Variants in CHN1 observed in about 807,000 individuals in gnomAD.
The protein encoded by CHN1 is chimerin 1, also known as N-chimaerin.
A neutral mutation model predicts 59.5 loss-of-function variants in CHN1; 37 were observed. The ratio of observed to expected loss-of-function variants is 0.62; its 90% CI spans 0.48 to 0.82. CHN1 has a LOEUF of 0.82. Among genes scored for constraint, CHN1 ranks in the 40% least tolerant of loss-of-function variants. The probability of loss-of-function intolerance (pLI) is 0.00; values close to 1 mark genes in which losing one functional copy is unlikely to be tolerated. For missense variants in CHN1, 469 were observed against 571.0 expected, an observed-to-expected ratio of 0.82 and a Z score of 1.82; for synonymous variants, 206 against 200.4, an observed-to-expected ratio of 1.03 and a Z score of -0.24.
intron 3 of CHN1, among the ~76,000 whole-genome samples, chr2:174,936,592 T>C (rs138024741): frequency 2.8e-3 from 428 of 152,196 alleles, no homozygotes; most frequent in Non-Finnish European, 5.0e-3. Context: ...TTTTACACAA[T>C]AGAAAATAAT....
intron 1 of CHN1, among the ~76,000 whole-genome samples, chr2:174,978,602 T>G (rs1194169665): frequency 2.0e-5 from 3 of 152,242 alleles, no homozygotes; most frequent in Non-Finnish European, 4.4e-5. Context: ...GACTAATCCA[T>G]TTTGTAAATA....
chr2:174,826,972 T>G (rs1385261900), intron 7 of CHN1, among the ~76,000 whole-genome samples: 1 of 152,152 alleles, frequency 6.6e-6, no homozygotes, highest in Non-Finnish European at 1.5e-5. Context: ...AGAAGGTAGC[T>G]TATGTAGCTC....
intron 8 of CHN1, among the ~76,000 whole-genome samples, chr2:174,816,220 A>G (rs1292471529): frequency 6.6e-6 from 1 of 152,206 alleles, no homozygotes; most frequent in African/African-American, 2.4e-5. Context: ...CTTCTACTAT[A>G]GGGTGGAGAA....
intron 1 of CHN1, among the ~76,000 whole-genome samples, chr2:174,979,381 AAAAG>A (rs1314856660): frequency 6.6e-6 from 1 of 152,236 alleles, no homozygotes; most frequent in Non-Finnish European, 1.5e-5. Context: ...TATTTTTAAA[AAAAG>A]AAAGATCAAT....
intron 6 of CHN1, among the ~76,000 whole-genome samples, chr2:174,867,190 G>A (rs1261713798): frequency 2.0e-5 from 3 of 151,560 alleles, no homozygotes; most frequent in Non-Finnish European, 2.9e-5. Context: ...CCTGGGCAAC[G>A]TGGTGAAACT....
intron 5 of CHN1, among the ~76,000 whole-genome samples, chr2:174,907,006 TTTAATC>T (rs1392745443): frequency 2.0e-5 from 3 of 152,182 alleles, no homozygotes; most frequent in Non-Finnish European, 2.9e-5. Context: ...AGTCCCAGCA[TTTAATC>T]TTAATTTGTT....
chr2:174,856,481 T>C (rs562335735), intron 6 of CHN1, among the ~76,000 whole-genome samples: 1 of 152,142 alleles, frequency 6.6e-6, no homozygotes, highest in Non-Finnish European at 1.5e-5. Context: ...TCACATGCAA[T>C]AATATTTAAA....
intron 7 of CHN1, among the ~76,000 whole-genome samples, chr2:174,824,853 G>C (rs1685632245): frequency 1.3e-5 from 2 of 152,102 alleles, no homozygotes; most frequent in Admixed American, 1.3e-4. Context: ...TCAAGCATCT[G>C]CCTGCCTTGG....
At chr2:174,989,279 G>A (rs1043923080) in intron 1 of CHN1, among the ~76,000 whole-genome samples, 10 of 152,044 alleles carry the variant, frequency 6.6e-5, no homozygotes, top group African/African-American at 2.2e-4. Flanking sequence ...GGGAGGCTAA[G>A]ACAGGAGAAT....
intron 3 of CHN1, among the ~76,000 whole-genome samples, chr2:174,920,348 C>T (rs1237671031): frequency 6.6e-6 from 1 of 152,126 alleles, no homozygotes. Context: ...TATACACCAA[C>T]TAGTGAGATT....
At chr2:174,877,481 G>A (rs914260050) in intron 6 of CHN1, among the ~76,000 whole-genome samples, 1 of 152,022 alleles carries the variant, frequency 6.6e-6, no homozygotes, top group South Asian at 2.1e-4. Flanking sequence ...GTAATTTTGA[G>A]AGATAATGCA....
chr2:174,915,863 A>C (rs1688834032), intron 4 of CHN1, among the ~76,000 whole-genome samples: 1 of 152,196 alleles, frequency 6.6e-6, no homozygotes, highest in Non-Finnish European at 1.5e-5. Flanking sequence ...ACATATTAAA[A>C]ATAAAAAGCC....
chr2:174,814,262 A>T (rs1328849082), intron 8 of CHN1, among the ~76,000 whole-genome samples: 1 of 152,198 alleles, frequency 6.6e-6, no homozygotes, highest in East Asian at 1.9e-4. Flanking sequence ...GCTTGTGAAT[A>T]CAGAATGGCT....
At chr2:174,821,127 T>A (rs1265077545) in intron 8 of CHN1, among the ~76,000 whole-genome samples, 2 of 152,218 alleles carry the variant, frequency 1.3e-5, no homozygotes, top group Non-Finnish European at 2.9e-5. Flanking sequence ...GCTTGAAACA[T>A]CAAGCATATA....
At chr2:174,994,500 A>G (rs1275433932) in intron 1 of CHN1, among the ~76,000 whole-genome samples, 2 of 152,184 alleles carry the variant, frequency 1.3e-5, no homozygotes, top group Non-Finnish European at 2.9e-5. Flanking sequence ...TACAAAGAAA[A>G]AAACCTATAG....
chr2:174,965,642 A>G (rs955042523), intron 1 of CHN1, among the ~76,000 whole-genome samples: 3 of 152,224 alleles, frequency 2.0e-5, no homozygotes, highest in African/African-American at 7.2e-5. Context: ...TGAATTGTAT[A>G]AACAGAATGA....
intron 5 of CHN1, among the ~76,000 whole-genome samples, chr2:174,903,849 T>C (rs748674392): frequency 6.6e-5 from 10 of 152,154 alleles, no homozygotes; most frequent in Non-Finnish European, 1.2e-4. Flanking sequence ...AGTTAACCCT[T>C]GAGAATAAGT....
chr2:174,961,268 C>T (rs1464163767), intron 1 of CHN1, among the ~76,000 whole-genome samples: 1 of 150,908 alleles, frequency 6.6e-6, no homozygotes, highest in Non-Finnish European at 1.5e-5. Flanking sequence ...AAACTTGAAT[C>T]ATATTTTTTT....
At chr2:174,951,248 C>T (rs1690017606) in intron 2 of CHN1, among the ~76,000 whole-genome samples, 1 of 152,116 alleles carries the variant, frequency 6.6e-6, no homozygotes, top group African/African-American at 2.4e-5. Context: ...TTTTTAGAGA[C>T]TGTTCATATT....
Sources: allele counts gnomAD v4.1 joint callset (sites outside exome capture counted in the v4.1 genomes callset), GRCh38; gene constraint gnomAD v4.1.1; transcripts MANE v1.5; gene names NCBI Gene and HGNC (gene_info 2026-07-23, HGNC 2026-07-21).